The following NRG2 variants were observed in gnomAD, a reference collection of about 807,000 sequenced individuals.
NRG2 encodes pro-neuregulin-2, membrane-bound isoform.
In NRG2, 27 loss-of-function variants were observed where a neutral mutation model predicts 73.9. The ratio of observed to expected loss-of-function variants is 0.37; its 90% CI spans 0.27 to 0.50. The LOEUF is 0.50. NRG2 is among the 20% of genes least tolerant of loss of function. NRG2 has a pLI of 0.96. For missense variants in NRG2, 1,126 were observed against 1,210.1 expected (o/e 0.93, Z 1.03); for synonymous variants, 532 against 541.0 (o/e 0.98, Z 0.23).
At chr5:139,889,456 A>T (rs1021839003) in intron 1 of NRG2, among the ~76,000 whole-genome samples, 2 of 152,164 alleles carry the variant, frequency 1.3e-5, no homozygotes, top group Admixed American at 1.3e-4. Flanking sequence ...TTTCTAGGAG[A>T]TAATCAATCT....
chr5:140,043,226 G>A lies in NRG2; in HGVS notation c.-157C>T, dbSNP rs933503314. 1.3e-6 allele frequency: 1 copy of A among 752,192 alleles called. No homozygotes were observed. The highest frequency in any genetic ancestry group is 2.0e-5 in the South Asian group (1 of 50,886). The allele number at this position is 752,192 out of a possible 1,614,324, so 46.6% of individuals were successfully genotyped here. A position where few individuals can be genotyped will look rare whatever the true frequency, so the allele number is the denominator to read the frequency against. ...GGCCCAGCTAGGGCAGGGGGCAGGCGGCAAGCGGGCCGCGATGCGCAGCGC... is the reference window on the plus strand; with the variant it reads ...GGCCCAGCTAGGGCAGGGGGCAGGCAGCAAGCGGGCCGCGATGCGCAGCGC... On this transcript the variant is annotated 5_prime_UTR_variant, in exon 1 of 10. Coordinates refer to ENST00000361474, the MANE Select transcript of NRG2 (RefSeq NM_004883.3). This position sits in a 1 kb window ranked among gnomAD's most constrained non-coding sequence, Gnocchi z 6.7.
intron 1 of NRG2, among the ~76,000 whole-genome samples, chr5:139,945,851 A>G (rs1265398476): frequency 6.6e-6 from 1 of 152,108 alleles, no homozygotes; most frequent in Non-Finnish European, 1.5e-5. Context: ...TAAGAAAACA[A>G]TTCCATTTAT....
intron 1 of NRG2, among the ~76,000 whole-genome samples, chr5:139,995,193 G>C (rs1757933279): frequency 6.6e-6 from 1 of 152,196 alleles, no homozygotes; most frequent in African/African-American, 2.4e-5. Flanking sequence ...GACAGACAGA[G>C]TCTAGACCAA....
chr5:140,015,343 T>C (rs1293619232), intron 1 of NRG2, among the ~76,000 whole-genome samples: 1 of 152,146 alleles, frequency 6.6e-6, no homozygotes, highest in Non-Finnish European at 1.5e-5. Flanking sequence ...ACTCAATGAA[T>C]GGATAAGCCC....
At chr5:139,881,141 C>T (rs1345927206) in intron 2 of NRG2, among the ~76,000 whole-genome samples, 167 bp from the exon 3 acceptor site, 3 of 152,210 alleles carry the variant, frequency 2.0e-5, no homozygotes, top group East Asian at 1.9e-4. Context: ...AGGTGGGGCA[C>T]GGAGTCCCTG....
At chr5:139,880,046 G>A (rs1292924839) in intron 3 of NRG2, among the ~76,000 whole-genome samples, 1 of 152,180 alleles carries the variant, frequency 6.6e-6, no homozygotes, top group Non-Finnish European at 1.5e-5. Context: ...TATATTCTGT[G>A]ATGAGCAGGA....
At chr5:140,001,892 A>G (rs1195318382) in intron 1 of NRG2, among the ~76,000 whole-genome samples, 7 of 152,254 alleles carry the variant, frequency 4.6e-5, no homozygotes, top group African/African-American at 1.7e-4. Context: ...AAATTAAAAT[A>G]ATTAAGGAGG....
At chr5:139,888,831 A>C (rs911060255) in intron 1 of NRG2, among the ~76,000 whole-genome samples, 7 of 152,198 alleles carry the variant, frequency 4.6e-5, no homozygotes, top group African/African-American at 1.7e-4. Context: ...AAAAAGAAGA[A>C]AACAAAACCT....
chr5:139,882,951 G>T (rs865820865), intron 2 of NRG2, among the ~76,000 whole-genome samples: 4 of 152,134 alleles, frequency 2.6e-5, no homozygotes, highest in African/African-American at 7.2e-5. Flanking sequence ...GAGGCTTGCT[G>T]CAGATGTCCT....
chr5:139,923,806 G>A (rs1291035922), intron 1 of NRG2, among the ~76,000 whole-genome samples: 5 of 152,098 alleles, frequency 3.3e-5, no homozygotes, highest in African/African-American at 7.2e-5. Context: ...TGGCCTGCTC[G>A]GGACTGTCAT....
chr5:140,030,313 C>T (rs563172827), intron 1 of NRG2, among the ~76,000 whole-genome samples: 2 of 152,278 alleles, frequency 1.3e-5, no homozygotes, highest in South Asian at 2.1e-4. Flanking sequence ...AGACAGAGCT[C>T]CCTAGGATGC....
intron 1 of NRG2, among the ~76,000 whole-genome samples, chr5:140,041,979 A>G (rs1026393370): frequency 1.8e-4 from 27 of 152,014 alleles, no homozygotes; most frequent in Non-Finnish European, 1.3e-4. Flanking sequence ...GGCCCGCGGC[A>G]GCAGGGCAGG....
chr5:139,939,519 C>T (rs1280935859), intron 1 of NRG2, among the ~76,000 whole-genome samples: 1 of 152,096 alleles, frequency 6.6e-6, no homozygotes, highest in East Asian at 1.9e-4. Context: ...AAGTGATCTG[C>T]CCGCCTTGGC....
intron 5 of NRG2, chr5:139,860,008 G>C (rs1762052277): frequency 2.3e-6 from 3 of 1,300,706 alleles, no homozygotes; most frequent in Admixed American, 3.7e-5. Context: ...AGAAACGTTG[G>C]TCAGGACTCC....
At chr5:139,914,430 G>A (rs528367757) in intron 1 of NRG2, among the ~76,000 whole-genome samples, 14 of 152,240 alleles carry the variant, frequency 9.2e-5, no homozygotes, top group Admixed American at 3.3e-4. Flanking sequence ...CACCCCAGGC[G>A]TGGAACTCAG....
intron 1 of NRG2, among the ~76,000 whole-genome samples, chr5:139,998,111 G>A (rs545546267): frequency 6.6e-6 from 1 of 152,252 alleles, no homozygotes; most frequent in South Asian, 2.1e-4. Flanking sequence ...TGGGAGTGGA[G>A]GTGTGGAGTC....
intron 1 of NRG2, among the ~76,000 whole-genome samples, chr5:139,976,827 A>T (rs1354749748): frequency 6.6e-6 from 1 of 152,248 alleles, no homozygotes; most frequent in Admixed American, 6.5e-5. Context: ...CAGGAGTCAG[A>T]GGATGAGAGA....
chr5:139,944,219 G>C (rs1286519772), intron 1 of NRG2, among the ~76,000 whole-genome samples: 1 of 151,966 alleles, frequency 6.6e-6, no homozygotes, highest in Non-Finnish European at 1.5e-5. Flanking sequence ...AGGGCAATTA[G>C]CATATCCATC....
At chr5:139,939,942 G>A (rs1753261312) in intron 1 of NRG2, among the ~76,000 whole-genome samples, 1 of 152,196 alleles carries the variant, frequency 6.6e-6, no homozygotes, top group Non-Finnish European at 1.5e-5. Context: ...ACACCCACTA[G>A]AATGGCCAAC....
Sources: allele counts gnomAD v4.1 joint callset (sites outside exome capture counted in the v4.1 genomes callset), GRCh38; gene constraint gnomAD v4.1.1; non-coding constraint Gnocchi (gnomAD v3.1); transcripts MANE v1.5; gene names NCBI Gene and HGNC (gene_info 2026-07-23, HGNC 2026-07-21).